Variants in SLC7A11 observed in about 807,000 individuals in gnomAD.
SLC7A11 encodes the protein solute carrier family 7 member 11, also known as cystine/glutamate transporter.
SLC7A11 carries 35 observed loss-of-function variants against 54.5 expected under a neutral mutation model. The observed-to-expected ratio is 0.64, with a 90% confidence interval of 0.49 to 0.85. The LOEUF (loss-of-function observed/expected upper bound fraction) is 0.85. Ranked by LOEUF, SLC7A11 falls within the 40% of genes least tolerant of loss-of-function variation. The pLI is 0.00. For missense variants in SLC7A11, 583 were observed against 618.1 expected (o/e 0.94, Z 0.60); for synonymous variants, 230 against 225.2 (o/e 1.02, Z -0.19).
rs182989176 is a variant in SLC7A11 at position 138,205,062 on chromosome 4, T to G, written c.791+9523A>C. ...TACTTGCAGAGCTCATTAACATTTTTGAATTTCACATATTTTATCCTCACA... is the reference window on the plus strand; with the variant it reads ...TACTTGCAGAGCTCATTAACATTTTGGAATTTCACATATTTTATCCTCACA... On this transcript the variant is annotated intron_variant, in intron 6 of 11. Coordinates refer to ENST00000280612, the MANE Select transcript of SLC7A11 (RefSeq NM_014331.4). 2.6e-3 allele frequency among the ~76,000 whole-genome samples: 394 copies of G among 152,178 alleles called. 1 individual carries two copies. The highest frequency in any genetic ancestry group is 4.1e-3 in the Non-Finnish European group (276 of 67,964).
intron 6 of SLC7A11, among the ~76,000 whole-genome samples, chr4:138,212,060 T>G (rs934933911): frequency 1.4e-4 from 22 of 151,896 alleles, no homozygotes; most frequent in Admixed American, 6.6e-5. Context: ...GATACATGTT[T>G]GAGGTGATGA....
At position 138,185,110 on chromosome 4, in the gene SLC7A11, C is replaced by G; in HGVS notation, c.915+11G>C. ...TAAATTCCAATTGGCATTTTCCCAA[C>G]TTGGACTTACCACTGCCACTGCATT... On this transcript the variant is annotated intron_variant, in intron 7 of 11. Transcript: ENST00000280612. 6.2e-7 allele frequency: 1 copy of G among 1,612,440 alleles called. No homozygotes were observed. Among genetic ancestry groups the G allele is most frequent in the South Asian group, 1.1e-5 (1 of 91,052 alleles).
intron 6 of SLC7A11, among the ~76,000 whole-genome samples, chr4:138,189,205 A>G (rs1054619082): frequency 7.2e-5 from 11 of 152,172 alleles, no homozygotes; most frequent in Admixed American, 2.6e-4. Flanking sequence ...CCCTATAATG[A>G]TGGCAGGCAA....
At chr4:138,226,038 A>C (rs77967325) in intron 3 of SLC7A11, among the ~76,000 whole-genome samples, 1 of 151,916 alleles carries the variant, frequency 6.6e-6, no homozygotes, top group Non-Finnish European at 1.5e-5. Flanking sequence ...TTGAAATATT[A>C]AAAAAACTGG....
intron 6 of SLC7A11, among the ~76,000 whole-genome samples, chr4:138,207,742 C>G (rs754468649): frequency 2.6e-5 from 4 of 152,010 alleles, no homozygotes; most frequent in Admixed American, 2.0e-4. Flanking sequence ...AAGCCGCATT[C>G]CCAAGTTGTC....
At chr4:138,237,775 G>T (rs1738274789) in intron 1 of SLC7A11, among the ~76,000 whole-genome samples, 1 of 62,304 alleles carries the variant, frequency 1.6e-5, no homozygotes, top group Non-Finnish European at 3.0e-5. Flanking sequence ...TTTTGAGATG[G>T]AGTCTCACTC....
intron 6 of SLC7A11, among the ~76,000 whole-genome samples, chr4:138,203,434 T>A (rs1021982350): frequency 3.3e-5 from 5 of 152,128 alleles, no homozygotes; most frequent in Non-Finnish European, 7.4e-5. Context: ...GGAAAATAAA[T>A]GATAGTATCT....
intron 6 of SLC7A11, among the ~76,000 whole-genome samples, chr4:138,207,107 C>T (rs1025795331): frequency 6.6e-6 from 1 of 150,524 alleles, no homozygotes; most frequent in African/African-American, 2.4e-5. Flanking sequence ...GTCATATTGT[C>T]ATTAGTAAAA....
intron 4 of SLC7A11, among the ~76,000 whole-genome samples, 198 bp from the exon 5 acceptor site, chr4:138,219,563 C>T (rs963084482): frequency 8.5e-5 from 13 of 152,154 alleles, no homozygotes; most frequent in African/African-American, 2.9e-4. Flanking sequence ...AACACTATTT[C>T]ATATTTCTCT....
At chr4:138,174,946 C>T (rs917515767) in intron 11 of SLC7A11, among the ~76,000 whole-genome samples, 3 of 150,630 alleles carry the variant, frequency 2.0e-5, no homozygotes, top group African/African-American at 7.3e-5. Flanking sequence ...GCAAAAATTG[C>T]CACATTTGTG....
intron 11 of SLC7A11, 47 bp from the exon 12 acceptor site, chr4:138,172,064 G>A (rs1469601715): frequency 6.4e-7 from 1 of 1,553,648 alleles, no homozygotes; most frequent in East Asian, 2.3e-5. Context: ...AATCAGAAAT[G>A]CATTAAAAAT....
intron 3 of SLC7A11, among the ~76,000 whole-genome samples, 172 bp downstream of exon 3, chr4:138,232,095 G>T (rs1738092408): frequency 6.6e-6 from 1 of 152,120 alleles, no homozygotes; most frequent in South Asian, 2.1e-4. Flanking sequence ...AAACTGGCAT[G>T]GAATACAGTA....
intron 5 of SLC7A11, among the ~76,000 whole-genome samples, chr4:138,215,876 T>A (rs1737668833): frequency 6.6e-6 from 1 of 152,202 alleles, no homozygotes; most frequent in African/African-American, 2.4e-5. Context: ...AACAGTTGTT[T>A]TAGAAAGTAG....
At chr4:138,200,768 T>C (rs765916541) in intron 6 of SLC7A11, among the ~76,000 whole-genome samples, 54 of 152,172 alleles carry the variant, frequency 3.5e-4, no homozygotes, top group Admixed American at 7.9e-4. Context: ...CAATTTATTT[T>C]CTCAAGGTCA....
rs574621630 is a variant in SLC7A11 at position 138,168,939 on chromosome 4, A to G, written c.*3017T>C. 6.6e-6 allele frequency: 1 copy of G among 152,344 alleles called. No individual in the cohort carries two copies. Among genetic ancestry groups the G allele is most frequent in the East Asian group, 1.9e-4 (1 of 5,188 alleles). The allele number at this position is 152,344 out of a possible 1,614,324, so 9.4% of individuals were successfully genotyped here. ...AGGAAAATATTTACTGCAAATATTT[A>G]TAATTGTGTAAGGAGAATCATTCTT... On this transcript the variant is annotated 3_prime_UTR_variant, in exon 12 of 12. Transcript: ENST00000280612.
chr4:138,185,077 C>G, intron 7 of SLC7A11, 44 bp downstream of exon 7: 1 of 1,608,406 alleles, frequency 6.2e-7, no homozygotes, highest in Non-Finnish European at 8.5e-7. Context: ...TGCATCAGCT[C>G]ATTAACCTAA....
chr4:138,197,219 TA>T (rs1560725424), intron 6 of SLC7A11, among the ~76,000 whole-genome samples: 1 of 152,140 alleles, frequency 6.6e-6, no homozygotes, highest in African/African-American at 2.4e-5. Flanking sequence ...TATTCATGTT[TA>T]ATCTAAGGCA....
chr4:138,186,560 A>C (rs1223715678), intron 6 of SLC7A11, among the ~76,000 whole-genome samples: 2 of 152,118 alleles, frequency 1.3e-5, no homozygotes, highest in African/African-American at 2.4e-5. Flanking sequence ...TTGACCTCTA[A>C]ATCCTGACAT....
chr4:138,232,237 C>G, intron 3 of SLC7A11, 30 bp downstream of exon 3: 2 of 1,395,276 alleles, frequency 1.4e-6, no homozygotes, highest in African/African-American at 1.4e-5. Flanking sequence ...GTTGTTTTTC[C>G]TTTTTCACAT....
Sources: allele counts gnomAD v4.1 joint callset (sites outside exome capture counted in the v4.1 genomes callset), GRCh38; gene constraint gnomAD v4.1.1; transcripts MANE v1.5; gene names NCBI Gene and HGNC (gene_info 2026-07-23, HGNC 2026-07-21).